The following WDR49 variants were observed in gnomAD, a reference collection of about 807,000 sequenced individuals.
The protein encoded by WDR49 is WD repeat domain 49, also known as cilia- and flagella-associated protein 337.
WDR49 carries 107 observed loss-of-function variants against 119.5 expected under a neutral mutation model. The observed-to-expected ratio is 0.90, with a 90% CI of 0.77 to 1.05. The LOEUF (loss-of-function observed/expected upper bound fraction) is 1.05, where lower values mean the gene tolerates loss of function less well. Among genes scored for constraint, WDR49 ranks in the 50% least tolerant of loss-of-function variants. WDR49 has a pLI of 0.00. For missense variants in WDR49, 1,240 were observed against 1,220.5 expected (o/e 1.02, Z -0.24); for synonymous variants, 425 against 418.8 (o/e 1.01, Z -0.18).
In WDR49 at chr3:167,529,158, A is replaced by T. The variant is rs1250093018; in HGVS notation, c.2300T>A (p.Phe767Tyr). The T allele has an allele frequency of 6.2e-7, 1 of 1,612,356 alleles. No homozygotes were observed. Among genetic ancestry groups the T allele is most frequent in the Admixed American group, 1.7e-5 (1 of 59,532 alleles). The stretch of plus-strand genomic sequence containing the variant: ...CGATCCAACTCCACTATGAGCCAAA[A>T]ATTCAGCCAGAAGTTGCTTCTTATA... ...DIYKKQLLAEFLAHSGVGSII... is the reference protein window; with the variant it reads ...DIYKKQLLAEYLAHSGVGSII... Residue 767 changes from phenylalanine (F) to tyrosine (Y), a missense_variant, in exon 14 of 19, where the codon TTT becomes TAT. Coordinates refer to ENST00000682715, the MANE Select transcript of WDR49 (RefSeq NM_001366157.1).
At chr3:167,553,228 A>C (rs1712679853) in intron 10 of WDR49, among the ~76,000 whole-genome samples, 1 of 152,094 alleles carries the variant, frequency 6.6e-6, no homozygotes, top group South Asian at 2.1e-4. Flanking sequence ...ATTTCAGCTA[A>C]GGTATCCAAG....
intron 5 of WDR49, among the ~76,000 whole-genome samples, chr3:167,618,472 G>A (rs971154259): frequency 6.6e-6 from 1 of 152,136 alleles, no homozygotes; most frequent in African/African-American, 2.4e-5. Context: ...GTAAATGTGT[G>A]TGTGTGTATT....
chr3:167,576,429 T>C (rs1034091587), intron 7 of WDR49, among the ~76,000 whole-genome samples: 1 of 152,164 alleles, frequency 6.6e-6, no homozygotes, highest in African/African-American at 2.4e-5. Context: ...GTAGGCAGAA[T>C]AGTAGTCCCC....
chr3:167,573,403 C>G (rs974879367), intron 8 of WDR49, among the ~76,000 whole-genome samples: 2 of 148,464 alleles, frequency 1.3e-5, no homozygotes, highest in Admixed American at 6.6e-5. Context: ...CACACACACA[C>G]ACACACACAC....
intron 8 of WDR49, among the ~76,000 whole-genome samples, chr3:167,560,784 T>TA (rs60448205): frequency 0.032 from 4,277 of 135,652 alleles, 92 homozygotes; most frequent in African/African-American, 0.046. Context: ...GATAGATTAC[T>TA]AAAAAAAAAA....
chr3:167,569,184 C>T (rs1024877753), intron 8 of WDR49, among the ~76,000 whole-genome samples: 16 of 152,172 alleles, frequency 1.1e-4, no homozygotes, highest in Middle Eastern at 3.4e-3. Context: ...CCTCGTGATC[C>T]GCCCTCCTTG....
At chr3:167,588,869 T>C (rs1714962423) in intron 7 of WDR49, among the ~76,000 whole-genome samples, 1 of 152,180 alleles carries the variant, frequency 6.6e-6, no homozygotes, top group African/African-American at 2.4e-5. Context: ...TGTAAATATT[T>C]TCTCCCGTTC....
At chr3:167,491,882 T>G (rs1334472826) in intron 18 of WDR49, among the ~76,000 whole-genome samples, 1 of 152,054 alleles carries the variant, frequency 6.6e-6, no homozygotes. Context: ...AGAAACAGAA[T>G]ACAAAAGGAC....
intron 16 of WDR49, among the ~76,000 whole-genome samples, chr3:167,511,344 T>A (rs1751962389): frequency 1.3e-5 from 2 of 152,228 alleles, no homozygotes; most frequent in South Asian, 2.1e-4. Context: ...TACTTTTTGA[T>A]GCGTTATTTT....
intron 2 of WDR49, among the ~76,000 whole-genome samples, chr3:167,641,677 A>G (rs1164220504): frequency 1.3e-5 from 2 of 151,928 alleles, no homozygotes; most frequent in East Asian, 1.9e-4. Context: ...TTTTCCCTCA[A>G]AAATAATCTT....
chr3:167,563,353 C>CAAAAAAAAAAAAA, intron 8 of WDR49, among the ~76,000 whole-genome samples: 1 of 55,886 alleles, frequency 1.8e-5, no homozygotes, highest in Non-Finnish European at 3.5e-5. Flanking sequence ...GATTCTGAAT[C>CAAAAAAAAAAAAA]AAAAAAAAAA....
intron 10 of WDR49, among the ~76,000 whole-genome samples, chr3:167,537,599 G>C (rs1711537894): frequency 6.6e-6 from 1 of 152,136 alleles, no homozygotes; most frequent in African/African-American, 2.4e-5. Context: ...TGAACAGAAA[G>C]AACAGTATTA....
intron 16 of WDR49, among the ~76,000 whole-genome samples, chr3:167,506,281 C>T (rs1369037127): frequency 1.3e-5 from 2 of 152,102 alleles, no homozygotes; most frequent in Non-Finnish European, 2.9e-5. Context: ...CCCATACTTT[C>T]AGCCTCAATT....
chr3:167,574,914 A>C (rs1714150373), intron 8 of WDR49, among the ~76,000 whole-genome samples: 1 of 152,218 alleles, frequency 6.6e-6, no homozygotes, highest in African/African-American at 2.4e-5. Context: ...GGAATTCAAA[A>C]TGAGTTGTTT....
intron 18 of WDR49, among the ~76,000 whole-genome samples, chr3:167,488,537 A>C (rs1751010286): frequency 6.6e-6 from 1 of 152,102 alleles, no homozygotes; most frequent in Admixed American, 6.6e-5. Flanking sequence ...AAAAGTAAAA[A>C]ATAAAGTAAA....
chr3:167,627,708 T>C (rs574838230), intron 2 of WDR49, among the ~76,000 whole-genome samples: 22 of 152,186 alleles, frequency 1.4e-4, no homozygotes, highest in East Asian at 1.9e-4. Context: ...GTAAAACCCA[T>C]TTGGGGCTTC....
intron 2 of WDR49, among the ~76,000 whole-genome samples, chr3:167,640,564 C>T (rs373490189): frequency 6.6e-6 from 1 of 151,808 alleles, no homozygotes. Context: ...TGGTTCTCAT[C>T]TGATAAAAGT....
rs1278431125 is a variant in WDR49 at position 167,621,604 on chromosome 3, C to T, written c.646G>A (p.Asp216Asn). The T allele has an allele frequency of 6.5e-7, 1 of 1,534,518 alleles. No individual in the cohort carries two copies. Among genetic ancestry groups the T allele is most frequent in the South Asian group, 1.2e-5 (1 of 83,828 alleles). The change falls in exon 4 of 19, where the codon GAT becomes AAT. Residue 216 changes from aspartate (D) to asparagine (N), a missense_variant. By Grantham distance (23) the Asp-to-Asn change is conservative. Transcript: ENST00000682715. ...AFTSKEVCFYDLLSKEEFACQ... is the reference protein window; with the variant it reads ...AFTSKEVCFYNLLSKEEFACQ... ...GCAAATTCTTCTTTGGACAGCAGAT[C>T]ATAGAAACAAACCTCTTTACTTGTA...
intron 7 of WDR49, among the ~76,000 whole-genome samples, chr3:167,576,908 C>A (rs1360446687): frequency 6.6e-6 from 1 of 151,334 alleles, no homozygotes; most frequent in African/African-American, 2.4e-5. Context: ...TGTGTAGATA[C>A]ATGTATCTAT....
Sources: gnomAD v4.1 joint callset for allele counts (sites outside exome capture counted in the v4.1 genomes callset) on GRCh38, gnomAD v4.1.1 for gene constraint, MANE v1.5 for transcripts, NCBI Gene and HGNC (gene_info 2026-07-23, HGNC 2026-07-21) for gene names.